RIMBP2: variants seen among roughly 807,000 people sequenced by gnomAD.
RIMBP2 encodes the protein RIMS-binding protein 2.
RIMBP2 carries 48 observed loss-of-function variants against 118.6 expected under a neutral mutation model. That is an observed-to-expected ratio of 0.40 (90% CI 0.32 to 0.51). The LOEUF is 0.51. Among genes scored for constraint, RIMBP2 ranks in the 20% least tolerant of loss-of-function variants. RIMBP2 has a pLI of 0.41. For missense variants in RIMBP2, 1,551 were observed against 1,768.3 expected (o/e 0.88, Z 2.20); for synonymous variants, 762 against 742.9 (o/e 1.03, Z -0.42).
chr12:130,702,334 T>C (rs1479781875), intron 1 of RIMBP2, among the ~76,000 whole-genome samples: 1 of 151,934 alleles, frequency 6.6e-6, no homozygotes, highest in South Asian at 2.1e-4. Flanking sequence ...CCGATCAATA[T>C]GGAGAAACCC....
chr12:130,412,916 C>T (rs2075829261), intron 18 of RIMBP2, 129 bp from the exon 19 acceptor site: 1 of 885,544 alleles, frequency 1.1e-6, no homozygotes, highest in South Asian at 2.0e-5. Context: ...CCATAAATCA[C>T]CTGCATAGGT....
In RIMBP2 at chr12:130,399,810, C is replaced by G. The variant is rs748646449; in HGVS notation, c.3769G>C (p.Glu1257Gln). 1 of 1,614,034 alleles carries G rather than the reference C, an allele frequency of 6.2e-7. No individual in the cohort carries two copies. The highest frequency in any genetic ancestry group is 8.5e-7 in the Non-Finnish European group (1 of 1,179,942). ...EIDEDGFYYG[E>Q]LNGQKGLVPS... is the part of the protein sequence containing the mutation. Reference sequence around the variant, plus strand: ...ACAAGGCCTTTCTGCCCATTCAGCTCCCCCTAAAACACCAGGGGTGAGGCA... The same window carrying G: ...ACAAGGCCTTTCTGCCCATTCAGCTGCCCCTAAAACACCAGGGGTGAGGCA... Residue 1257 changes from glutamate to glutamine, a missense_variant, in exon 22 of 23, where the codon GAG becomes CAG. Physicochemically the swap from Glu to Gln is conservative, Grantham distance 29. Transcript: ENST00000690449.
Position 130,506,723 on chromosome 12 carries a change from G to A in RIMBP2, c.-79C>T. 1 of 985,724 alleles carries A rather than the reference G, an allele frequency of 1.0e-6. No homozygotes were observed. The highest frequency in any genetic ancestry group is 1.7e-5 in the African/African-American group (1 of 57,346). The allele number at this position is 985,724 out of a possible 1,614,324, so 61.1% of individuals were successfully genotyped here. On this transcript the variant is annotated 5_prime_UTR_variant, in exon 4 of 23. Coordinates refer to ENST00000690449, the MANE Select transcript of RIMBP2 (RefSeq NM_001393629.1). ...CCTTCACGGCCAAATCGCGCTCTCT[G>A]GTCACGAGGGTGAGCGGATGGTTGA...
chr12:130,442,331 G>A lies in RIMBP2; in HGVS notation c.1021C>T (p.Pro341Ser), dbSNP rs1214458096. Residue 341 changes from proline to serine, a missense_variant, in exon 11 of 23, where the codon CCA becomes TCA. This residue lies in a region of RIMBP2 where 265 missense variants were observed against 349.5 expected (regional missense o/e 0.76). Transcript: ENST00000690449. This position sits in a 1 kb window ranked among gnomAD's most constrained non-coding sequence, Gnocchi z 6.9. ...IVGWEPPAVP[P>S]GWGTVSSYNV... ...TAGCTGCTCACCGTTCCCCATCCTG[G>A]TGGCACCGCCGGGGGCTCCCAGCCC... 1.9e-6 allele frequency: 3 copies of A among 1,614,180 alleles called. No homozygotes were observed. The highest frequency in any genetic ancestry group is 2.2e-5 in the East Asian group (1 of 44,868).
intron 2 of RIMBP2, among the ~76,000 whole-genome samples, chr12:130,583,864 TCACCATGACCATCAC>T (rs545687637): frequency 2.0e-3 from 271 of 133,382 alleles, no homozygotes; most frequent in African/African-American, 7.2e-3. Flanking sequence ...TACACCATCA[TCACCATGACCATCAC>T]CACCATCACC....
intron 4 of RIMBP2, among the ~76,000 whole-genome samples, chr12:130,490,274 G>A (rs1325421216): frequency 6.6e-6 from 1 of 151,658 alleles, no homozygotes; most frequent in Non-Finnish European, 1.5e-5. Flanking sequence ...AAAAACTCAC[G>A]GAAATGTTGA....
At chr12:130,485,944 C>A (rs368295277) in intron 4 of RIMBP2, among the ~76,000 whole-genome samples, 1 of 152,196 alleles carries the variant, frequency 6.6e-6, no homozygotes. Flanking sequence ...GAGAAGCACT[C>A]GGCCCTCGAA....
chr12:130,608,205 G>A (rs548210488), intron 2 of RIMBP2, among the ~76,000 whole-genome samples: 1 of 152,306 alleles, frequency 6.6e-6, no homozygotes, highest in Non-Finnish European at 1.5e-5. Context: ...TGTTGTGAAT[G>A]GGCAAGTTCT....
At chr12:130,692,130 C>G (rs1008930386) in intron 1 of RIMBP2, among the ~76,000 whole-genome samples, 14 of 152,182 alleles carry the variant, frequency 9.2e-5, no homozygotes, top group African/African-American at 3.4e-4. Context: ...GATGAACTCA[C>G]TACACTGGGA....
chr12:130,568,816 ATTAT>A (rs2057421210), intron 2 of RIMBP2, among the ~76,000 whole-genome samples: 1 of 152,146 alleles, frequency 6.6e-6, no homozygotes, highest in Non-Finnish European at 1.5e-5. Context: ...GGTGGGCAGA[ATTAT>A]TTGAGTGCCA....
intron 4 of RIMBP2, among the ~76,000 whole-genome samples, chr12:130,497,101 T>C (rs2049254891): frequency 6.6e-6 from 1 of 152,178 alleles, no homozygotes; most frequent in South Asian, 2.1e-4. Context: ...CCTGAGCGTC[T>C]GTGTCTCTAT....
chr12:130,560,629 C>A (rs1346636468), intron 2 of RIMBP2, among the ~76,000 whole-genome samples: 1 of 152,232 alleles, frequency 6.6e-6, no homozygotes, highest in Non-Finnish European at 1.5e-5. Flanking sequence ...CGTGGCCAAG[C>A]TGCGCCTTTC....
intron 4 of RIMBP2, among the ~76,000 whole-genome samples, chr12:130,488,546 A>G (rs1210596869): frequency 3.3e-5 from 5 of 152,236 alleles, no homozygotes; most frequent in Admixed American, 6.5e-5. Flanking sequence ...GCATGAGGAC[A>G]TACTGATTCA....
At chr12:130,555,407 G>C (rs148326383) in intron 2 of RIMBP2, among the ~76,000 whole-genome samples, 1 of 152,164 alleles carries the variant, frequency 6.6e-6, no homozygotes, top group African/African-American at 2.4e-5. Flanking sequence ...ACCCCTCACC[G>C]TCCTGGACAC....
intron 1 of RIMBP2, among the ~76,000 whole-genome samples, chr12:130,668,829 T>C (rs895163051): frequency 2.6e-5 from 4 of 152,224 alleles, no homozygotes; most frequent in Non-Finnish European, 4.4e-5. Context: ...GCTCCCCAGA[T>C]GGACAGCTCT....
intron 7 of RIMBP2, among the ~76,000 whole-genome samples, chr12:130,455,455 A>G (rs1367152422): frequency 6.6e-6 from 1 of 152,178 alleles, no homozygotes; most frequent in African/African-American, 2.4e-5. Flanking sequence ...GGGTGTCGTG[A>G]GTGCCTGGAG....
chr12:130,592,434 T>C (rs2059325580), intron 2 of RIMBP2, among the ~76,000 whole-genome samples: 2 of 152,136 alleles, frequency 1.3e-5, no homozygotes, highest in African/African-American at 4.8e-5. Flanking sequence ...CTCACACCTG[T>C]AATCCCAGCA....
intron 11 of RIMBP2, among the ~76,000 whole-genome samples, chr12:130,441,443 TAA>T (rs1566042426): frequency 5.7e-5 from 8 of 141,050 alleles, no homozygotes; most frequent in African/African-American, 1.8e-4. Flanking sequence ...ATAATAATAA[TAA>T]TAATTTACAA....
chr12:130,600,455 AC>A (rs1414737040), intron 2 of RIMBP2, among the ~76,000 whole-genome samples: 1 of 148,804 alleles, frequency 6.7e-6, no homozygotes, highest in Non-Finnish European at 1.5e-5. Flanking sequence ...CCCCAACAGA[AC>A]CTCCCCCGTC....
Sources: allele counts gnomAD v4.1 joint callset (sites outside exome capture counted in the v4.1 genomes callset), GRCh38; gene constraint gnomAD v4.1.1; regional missense constraint gnomAD v4.1.1; non-coding constraint Gnocchi (gnomAD v3.1); transcripts MANE v1.5; gene names NCBI Gene and HGNC (gene_info 2026-07-23, HGNC 2026-07-21).